CNRIP1: variants seen among roughly 807,000 people sequenced by gnomAD.
The protein encoded by CNRIP1 is CB1 cannabinoid receptor-interacting protein 1.
Under a neutral mutation model 15.2 loss-of-function variants are expected in CNRIP1, and 10 were observed. The observed-to-expected ratio is 0.66, with a 90% confidence interval of 0.41 to 1.12. The LOEUF is 1.12. Ranked by LOEUF, CNRIP1 falls within the 50% of genes most tolerant of loss-of-function variation. The pLI is 0.00. For missense variants in CNRIP1, 211 were observed against 214.7 expected (o/e 0.98, Z 0.11); for synonymous variants, 91 against 83.2 (o/e 1.09, Z -0.51).
chr2:68,287,978 CT>C (rs1308443566), intron 2 of CNRIP1, among the ~76,000 whole-genome samples: 28 of 152,188 alleles, frequency 1.8e-4, no homozygotes, highest in Admixed American at 1.8e-3. Context: ...CACTTTCCTT[CT>C]TTTAGTCTCC....
intron 2 of CNRIP1, among the ~76,000 whole-genome samples, chr2:68,314,673 T>C (rs548623277): frequency 6.6e-6 from 1 of 152,140 alleles, no homozygotes; most frequent in South Asian, 2.1e-4. Flanking sequence ...ATAAAAACAG[T>C]GTATCTAAAA....
exon 3 of CNRIP1, chr2:68,284,344 C>A: frequency 2.4e-6 from 2 of 829,994 alleles, no homozygotes; most frequent in Non-Finnish European, 3.5e-6. Context: ...TGTGAGAAGC[C>A]CTCCCCTAGA....
At chr2:68,303,047 CTG>C (rs1427755319) in intron 2 of CNRIP1, among the ~76,000 whole-genome samples, 2 of 151,884 alleles carry the variant, frequency 1.3e-5, no homozygotes, top group Non-Finnish European at 2.9e-5. Context: ...CGGGGTTTCA[CTG>C]TGTTAGCCAG....
intron 2 of CNRIP1, among the ~76,000 whole-genome samples, chr2:68,311,079 G>A (rs1204284015): frequency 1.3e-5 from 2 of 152,144 alleles, no homozygotes; most frequent in African/African-American, 4.8e-5. Context: ...ATGTTTAGTT[G>A]GGGTCCTACA....
intron 2 of CNRIP1, among the ~76,000 whole-genome samples, chr2:68,301,749 C>T (rs2103642861): frequency 6.6e-6 from 1 of 151,902 alleles, no homozygotes; most frequent in East Asian, 1.9e-4. Flanking sequence ...AAAATTGGCC[C>T]AGCGTGGTGG....
In CNRIP1 at chr2:68,293,689, G is replaced by A; in HGVS notation, c.*173C>T. On this transcript the variant is annotated 3_prime_UTR_variant, in exon 3 of 3. Coordinates refer to ENST00000263655, the MANE Select transcript of CNRIP1 (RefSeq NM_015463.3). ...AGTGGTACATCACCATCTTGTATGTGAGGGATATTGTGTCAGAGGGGAATT... is the reference window on the plus strand; with the variant it reads ...AGTGGTACATCACCATCTTGTATGTAAGGGATATTGTGTCAGAGGGGAATT... The A allele has an allele frequency of 7.2e-7, 1 of 1,379,350 alleles. No individual in the cohort carries two copies. Among genetic ancestry groups the A allele is most frequent in the Non-Finnish European group, 9.4e-7 (1 of 1,063,328 alleles). The allele number at this position is 1,379,350 out of a possible 1,614,324, so 85.4% of individuals were successfully genotyped here. A position where few individuals can be genotyped will look rare whatever the true frequency, so the allele number is the denominator to read the frequency against.
chr2:68,289,317 T>TA (rs1399253010), downstream of CNRIP1, among the ~76,000 whole-genome samples: 1 of 152,182 alleles, frequency 6.6e-6, no homozygotes, highest in Non-Finnish European at 1.5e-5. Context: ...TTTAAATAAT[T>TA]AAAAATTTTA....
chr2:68,288,420 G>T (rs1262439926), downstream of CNRIP1, among the ~76,000 whole-genome samples: 1 of 152,126 alleles, frequency 6.6e-6, no homozygotes, highest in Non-Finnish European at 1.5e-5. Flanking sequence ...GGACTTGGTA[G>T]ATCTGCAGGA....
At chr2:68,317,022 G>C (rs750257587) in intron 2 of CNRIP1, 135 bp downstream of exon 2, 2 of 1,088,638 alleles carry the variant, frequency 1.8e-6, no homozygotes, top group Non-Finnish European at 2.8e-6. Context: ...GATGCTTGAA[G>C]GAAATCCACA....
At chr2:68,308,304 A>G (rs1304702813) in intron 2 of CNRIP1, among the ~76,000 whole-genome samples, 2 of 152,206 alleles carry the variant, frequency 1.3e-5, no homozygotes, top group Non-Finnish European at 2.9e-5. Flanking sequence ...CATTTACAAG[A>G]ATGCACATTT....
chr2:68,286,540 A>G (rs1671036312), intron 2 of CNRIP1, among the ~76,000 whole-genome samples: 1 of 152,174 alleles, frequency 6.6e-6, no homozygotes, highest in Non-Finnish European at 1.5e-5. Context: ...GAAATTCACA[A>G]TGCTCCTTTG....
At chr2:68,315,092 AAAT>A (rs1176794299) in intron 2 of CNRIP1, among the ~76,000 whole-genome samples, 1 of 152,126 alleles carries the variant, frequency 6.6e-6, no homozygotes, top group Non-Finnish European at 1.5e-5. Context: ...ATAAAAATTA[AAAT>A]ATTAAATGAA....
intron 2 of CNRIP1, among the ~76,000 whole-genome samples, chr2:68,307,234 A>G (rs1671888569): frequency 6.6e-6 from 1 of 152,232 alleles, no homozygotes; most frequent in Non-Finnish European, 1.5e-5. Flanking sequence ...ATGTTATACA[A>G]TTGTATGTAT....
downstream of CNRIP1, among the ~76,000 whole-genome samples, chr2:68,290,804 A>G (rs4671894): frequency 0.77 from 117,858 of 152,176 alleles, 46,510 homozygotes; most frequent in African/African-American, 0.94. Flanking sequence ...AGATAGTTTA[A>G]ATGGCTGGAT....
chr2:68,284,894 G>A (rs1572998986), intron 2 of CNRIP1, among the ~76,000 whole-genome samples: 1 of 152,018 alleles, frequency 6.6e-6, no homozygotes, highest in Admixed American at 6.5e-5. Flanking sequence ...TCTGTGTAAA[G>A]GGCTAGATTG....
intron 2 of CNRIP1, among the ~76,000 whole-genome samples, chr2:68,298,327 C>T (rs530702734): frequency 6.6e-6 from 1 of 152,072 alleles, no homozygotes; most frequent in South Asian, 2.1e-4. Context: ...AAACTTTATA[C>T]TAAAAATATT....
chr2:68,296,300 T>G (rs1274232144), intron 2 of CNRIP1, among the ~76,000 whole-genome samples: 1 of 152,216 alleles, frequency 6.6e-6, no homozygotes, highest in East Asian at 1.9e-4. Context: ...ACACCTGTAA[T>G]TCCAGCACTT....
downstream of CNRIP1, among the ~76,000 whole-genome samples, chr2:68,291,459 T>A (rs1204130098): frequency 6.6e-6 from 1 of 152,180 alleles, no homozygotes; most frequent in African/African-American, 2.4e-5. Flanking sequence ...CCAGGTGCTC[T>A]GCCAGGGCTC....
At chr2:68,290,342 T>A (rs1293307910), downstream of CNRIP1, among the ~76,000 whole-genome samples, 1 of 152,178 alleles carries the variant, frequency 6.6e-6, no homozygotes, top group Non-Finnish European at 1.5e-5. Flanking sequence ...ATCTGAGCTT[T>A]TAAACACTGA....
Sources: allele counts gnomAD v4.1 joint callset (sites outside exome capture counted in the v4.1 genomes callset), GRCh38; gene constraint gnomAD v4.1.1; transcripts MANE v1.5; gene names NCBI Gene and HGNC (gene_info 2026-07-23, HGNC 2026-07-21).